GNB1L: variants seen among roughly 807,000 people sequenced by gnomAD.
The protein encoded by GNB1L is G protein subunit beta 1 like.
Under a neutral mutation model 29.1 loss-of-function variants are expected in GNB1L, and 20 were observed. That is an observed-to-expected ratio of 0.69 (90% CI 0.48 to 1.00). The LOEUF (loss-of-function observed/expected upper bound fraction) is 1.00, where lower values mean the gene tolerates loss of function less well. Among genes scored for constraint, GNB1L ranks in the 50% least tolerant of loss-of-function variants. The pLI, the probability that GNB1L is intolerant of heterozygous loss-of-function variation, is 0.00. For synonymous variants in GNB1L, 193 were observed against 206.5 expected (o/e 0.93, Z 0.56); for missense variants, 421 against 464.9 (o/e 0.91, Z 0.87).
chr22:19,818,750 A>AC (rs1336639581), intron 4 of GNB1L, among the ~76,000 whole-genome samples: 4 of 152,180 alleles, frequency 2.6e-5, no homozygotes, highest in African/African-American at 7.2e-5. Flanking sequence ...TTCCCTGAAT[A>AC]TGACGCAAGG....
intron 4 of GNB1L, among the ~76,000 whole-genome samples, chr22:19,819,697 C>T (rs1937562682): frequency 6.6e-6 from 1 of 152,186 alleles, no homozygotes; most frequent in Non-Finnish European, 1.5e-5. Context: ...CCTCTGTGGA[C>T]CCTTCCTGCT....
At chr22:19,805,921 G>C (rs558472039) in intron 6 of GNB1L, among the ~76,000 whole-genome samples, 1 of 152,336 alleles carries the variant, frequency 6.6e-6, no homozygotes, top group Non-Finnish European at 1.5e-5. Context: ...GTGAATGCAC[G>C]GGATCACTTG....
intron 2 of GNB1L, among the ~76,000 whole-genome samples, chr22:19,830,643 A>G (rs896905495): frequency 2.0e-5 from 3 of 152,164 alleles, no homozygotes; most frequent in African/African-American, 7.2e-5. Context: ...ATTTAACACA[A>G]CCCCAACGGA....
intron 4 of GNB1L, among the ~76,000 whole-genome samples, chr22:19,818,693 A>G (rs1274604126): frequency 1.3e-5 from 2 of 152,216 alleles, no homozygotes; most frequent in East Asian, 3.8e-4. Context: ...GCAGGAGAAC[A>G]GGCCTGTCCT....
At chr22:19,806,401 G>A (rs1213860168) in intron 6 of GNB1L, among the ~76,000 whole-genome samples, 2 of 152,226 alleles carry the variant, frequency 1.3e-5, no homozygotes, top group South Asian at 2.1e-4. Context: ...TGAGCCCACC[G>A]GAGCTTGCAA....
intron 2 of GNB1L, among the ~76,000 whole-genome samples, chr22:19,829,140 C>G (rs1328558960): frequency 6.6e-6 from 1 of 152,176 alleles, no homozygotes; most frequent in Non-Finnish European, 1.5e-5. Context: ...CCATAACATA[C>G]TACTCTTAGT....
chr22:19,802,255 C>A (rs767760872), intron 6 of GNB1L, 39 bp from the exon 7 acceptor site: 2 of 1,535,646 alleles, frequency 1.3e-6, no homozygotes, highest in Non-Finnish European at 1.8e-6. Context: ...CTGGAAGGAC[C>A]CTGACTCCAG....
intron 7 of GNB1L, among the ~76,000 whole-genome samples, chr22:19,796,985 A>G (rs1208392272): frequency 6.6e-6 from 1 of 152,250 alleles, no homozygotes; most frequent in Non-Finnish European, 1.5e-5. Context: ...CAAGCAGTCC[A>G]AAAAAGGTCA....
chr22:19,801,488 G>A (rs1937370578), intron 7 of GNB1L, among the ~76,000 whole-genome samples: 2 of 152,128 alleles, frequency 1.3e-5, no homozygotes, highest in African/African-American at 4.8e-5. Context: ...ATGCCAGCTA[G>A]GAGAGCCCAG....
intron 2 of GNB1L, chr22:19,849,765 C>T (rs2145904807): frequency 1.0e-6 from 1 of 985,378 alleles, no homozygotes; most frequent in South Asian, 4.7e-5. Context: ...TTCCTACTTT[C>T]CAGGAAGGTG....
rs1937528504 is a variant in GNB1L at position 19,816,858 on chromosome 22, G to A, written c.254+3740C>T. Among the ~76,000 whole-genome samples the A allele has an allele frequency of 6.6e-6, 1 of 152,074 alleles. No individual in the cohort carries two copies. The highest frequency in any genetic ancestry group is 6.5e-5 in the Admixed American group (1 of 15,268). ...GCCACCTGCCCTCACCAACCTCCTG[G>A]CCTCCCAGGCTGCCGCTGCCACACC... On this transcript the variant is annotated intron_variant, in intron 4 of 7. Transcript: ENST00000329517. The surrounding 1 kb of genome is among the most constrained non-coding windows in gnomAD (Gnocchi z 4.4).
chr22:19,845,142 A>G (rs1937933293), intron 2 of GNB1L, among the ~76,000 whole-genome samples: 1 of 152,210 alleles, frequency 6.6e-6, no homozygotes, highest in Non-Finnish European at 1.5e-5. Flanking sequence ...GAGGTCCCCT[A>G]TCACACACAG....
intron 5 of GNB1L, among the ~76,000 whole-genome samples, chr22:19,807,586 G>A (rs1937450841): frequency 6.6e-6 from 1 of 152,200 alleles, no homozygotes; most frequent in African/African-American, 2.4e-5. Flanking sequence ...GGAACCACTT[G>A]GAATGAGCTA....
intron 7 of GNB1L, among the ~76,000 whole-genome samples, chr22:19,799,594 G>A (rs79551010): frequency 5.3e-5 from 8 of 152,190 alleles, no homozygotes; most frequent in East Asian, 1.9e-4. Flanking sequence ...CCTCATTCGC[G>A]TCTCTACTCC....
At chr22:19,850,574 T>C (rs1056948826) in intron 2 of GNB1L, 2 of 1,151,840 alleles carry the variant, frequency 1.7e-6, no homozygotes, top group African/African-American at 3.2e-5. Flanking sequence ...GAACTGCTGG[T>C]AATCCCACAG....
intron 5 of GNB1L, among the ~76,000 whole-genome samples, chr22:19,811,988 C>T (rs963556493): frequency 5.3e-5 from 8 of 152,180 alleles, no homozygotes; most frequent in Non-Finnish European, 8.8e-5. Context: ...GGCCATCCCA[C>T]GCCACTGTCC....
chr22:19,812,393 A>G lies in GNB1L; in HGVS notation c.309T>C (p.Ala103=). The G allele has an allele frequency of 3.7e-6, 6 of 1,613,432 alleles. No individual in the cohort carries two copies. The highest frequency in any genetic ancestry group is 5.1e-6 in the Non-Finnish European group (6 of 1,179,900). ...TCTCCAAGCACACGGAGTCCACGAC[A>G]GCGCTCCTGCCCTCCGCGAGGTCCC... is the stretch of plus-strand genomic sequence containing the variant. ...CLWDLAEGRS[A]VVDSVCLESV... Residue 103 remains alanine (A), a synonymous_variant, in exon 5 of 8, where the codon GCT becomes GCC. Transcript: ENST00000329517.
At chr22:19,852,314 G>A in intron 2 of GNB1L, 1 of 1,551,660 alleles carries the variant, frequency 6.4e-7, no homozygotes, top group Non-Finnish European at 8.7e-7. Flanking sequence ...GGTGGTGGGG[G>A]TGTGGACAGA....
intron 2 of GNB1L, chr22:19,852,606 G>GA: frequency 3.6e-6 from 1 of 276,116 alleles, no homozygotes; most frequent in Non-Finnish European, 6.8e-6. Context: ...TTGAATGGAA[G>GA]GAGGGGCCCA....
Sources: gnomAD v4.1 joint callset for allele counts (sites outside exome capture counted in the v4.1 genomes callset) on GRCh38, gnomAD v4.1.1 for gene constraint, Gnocchi (gnomAD v3.1) non-coding constraint, MANE v1.5 for transcripts, NCBI Gene and HGNC (gene_info 2026-07-23, HGNC 2026-07-21) for gene names.